MARCHF1: variants seen among roughly 807,000 people sequenced by gnomAD.
MARCHF1 encodes membrane associated ring-CH-type finger 1.
A neutral mutation model predicts 54.2 loss-of-function variants in MARCHF1; 40 were observed. The ratio of observed to expected loss-of-function variants is 0.74; its 90% CI spans 0.57 to 0.96. The LOEUF (loss-of-function observed/expected upper bound fraction) is 0.96. MARCHF1 is among the 40% of genes least tolerant of loss of function. The probability of loss-of-function intolerance (pLI) is 0.00; values close to 1 mark genes in which losing one functional copy is unlikely to be tolerated. For missense variants in MARCHF1, 586 were observed against 656.5 expected (o/e 0.89, Z 1.17); for synonymous variants, 236 against 236.3 (o/e 1.00, Z 0.01).
At chr4:163,889,918 T>C (rs1010990388) in intron 3 of MARCHF1, among the ~76,000 whole-genome samples, 1 of 68,236 alleles carries the variant, frequency 1.5e-5, no homozygotes, top group Non-Finnish European at 3.0e-5. Context: ...TTATTTATTT[T>C]CTTTTTTCTT....
Position 164,304,142 on chromosome 4 carries a change from G to A in MARCHF1, c.-323+79728C>T, listed in dbSNP as rs138592173. On this transcript the variant is annotated intron_variant, in intron 1 of 9. Coordinates refer to ENST00000514618, the MANE Select transcript of MARCHF1 (RefSeq NM_001394959.1). ...CAGAAGCTTGCAATTAAGATCATAA[G>A]CAGGAGATTGCCAAAGAGATGCCAG... Among the ~76,000 whole-genome samples, 989 of 152,288 alleles carry A rather than the reference G, an allele frequency of 6.5e-3. 10 individuals carry two copies. Among genetic ancestry groups the A allele is most frequent in the African/African-American group, 0.019 (799 of 41,570 alleles).
intron 8 of MARCHF1, among the ~76,000 whole-genome samples, chr4:163,570,749 A>T (rs1016573462): frequency 6.6e-6 from 1 of 152,058 alleles, no homozygotes; most frequent in African/African-American, 2.4e-5. Context: ...TAAATCTGCG[A>T]TTTTCACTTC....
In MARCHF1 at chr4:163,760,510, G is replaced by C. The variant is rs371583857; in HGVS notation, c.112-59647C>G. 9.2e-5 allele frequency among the ~76,000 whole-genome samples: 14 copies of C among 152,194 alleles called. 1 individual carries two copies. The highest frequency in any genetic ancestry group is 3.4e-4 in the African/African-American group (14 of 41,512). On this transcript the variant is annotated intron_variant, in intron 4 of 9. Coordinates refer to ENST00000514618, the MANE Select transcript of MARCHF1 (RefSeq NM_001394959.1). ...AGAGTGATGCCTTTGCTTTCTTCTT[G>C]AAGTAATTGAAAGAGTTTTCCCTTT... is the stretch of plus-strand genomic sequence containing the variant.
intron 1 of MARCHF1, among the ~76,000 whole-genome samples, chr4:164,205,049 T>C (rs1001540762): frequency 2.0e-5 from 3 of 152,222 alleles, no homozygotes; most frequent in Admixed American, 6.5e-5. Flanking sequence ...TTAATTCTTA[T>C]ATAGTGTTTT....
chr4:164,271,678 A>G (rs548180250), intron 1 of MARCHF1, among the ~76,000 whole-genome samples: 1 of 152,302 alleles, frequency 6.6e-6, no homozygotes, highest in South Asian at 2.1e-4. Context: ...CCTATCTCCA[A>G]TAGAAATCAG....
chr4:163,933,667 G>T lies in MARCHF1; in HGVS notation c.-39+54834C>A, dbSNP rs191754753. ...CATTTCTACATTCCCTCCCATACTC[G>T]TCAGGGTTTCCTTTCAATAAGCAAC... On this transcript the variant is annotated intron_variant, in intron 3 of 9. Coordinates refer to ENST00000514618, the MANE Select transcript of MARCHF1 (RefSeq NM_001394959.1). Among the ~76,000 whole-genome samples the T allele has an allele frequency of 4.7e-4, 72 of 152,272 alleles. 1 individual carries two copies. Among genetic ancestry groups the T allele is most frequent in the Admixed American group, 3.0e-3 (46 of 15,296 alleles).
At chr4:164,308,493 A>T (rs1554000292) in intron 1 of MARCHF1, among the ~76,000 whole-genome samples, 2 of 152,066 alleles carry the variant, frequency 1.3e-5, no homozygotes, top group African/African-American at 2.4e-5. Flanking sequence ...CAGTAAGATA[A>T]TTTTCTTAGA....
At chr4:163,551,442 C>G (rs886809056) in intron 8 of MARCHF1, among the ~76,000 whole-genome samples, 72 of 152,198 alleles carry the variant, frequency 4.7e-4, no homozygotes, top group African/African-American at 1.7e-3. Flanking sequence ...TTTTAAAAGA[C>G]CAGCAGAAAA....
chr4:163,970,463 G>A (rs758858844), intron 3 of MARCHF1, among the ~76,000 whole-genome samples: 26 of 152,162 alleles, frequency 1.7e-4, no homozygotes, highest in Non-Finnish European at 3.4e-4. Flanking sequence ...ATGGAAGAAC[G>A]GATACATGGA....
chr4:163,532,405 A>G (rs1265820552), intron 9 of MARCHF1, among the ~76,000 whole-genome samples: 1 of 151,934 alleles, frequency 6.6e-6, no homozygotes, highest in Non-Finnish European at 1.5e-5. Context: ...GTCTGTAAAC[A>G]GACCTTAAAT....
chr4:163,541,899 G>A (rs147203296), intron 9 of MARCHF1, among the ~76,000 whole-genome samples: 271 of 152,264 alleles, frequency 1.8e-3, no homozygotes, highest in Non-Finnish European at 3.3e-3. Flanking sequence ...TCTTCAATGT[G>A]CACATTGGAA....
intron 3 of MARCHF1, among the ~76,000 whole-genome samples, chr4:163,967,746 CAT>C (rs1037355659): frequency 7.9e-5 from 12 of 152,108 alleles, no homozygotes; most frequent in Non-Finnish European, 1.3e-4. Flanking sequence ...AAGTTTGGCT[CAT>C]GTGATTATGG....
intron 1 of MARCHF1, among the ~76,000 whole-genome samples, chr4:164,220,287 CATAT>C (rs150321953): frequency 6.9e-6 from 1 of 145,364 alleles, no homozygotes; most frequent in Non-Finnish European, 1.5e-5. Context: ...TAATGGAATT[CATAT>C]ATATATATGA....
chr4:164,242,389 G>T (rs1287239370), intron 1 of MARCHF1, among the ~76,000 whole-genome samples: 4 of 145,774 alleles, frequency 2.7e-5, no homozygotes, highest in South Asian at 2.4e-4. Context: ...ACACGGCAGG[G>T]TATTCCAACA....
chr4:164,189,753 G>A (rs560531099), intron 1 of MARCHF1: 344 of 1,267,842 alleles, frequency 2.7e-4, no homozygotes, highest in Admixed American at 3.7e-4. Flanking sequence ...TCAACCAACT[G>A]TCATAATCAA....
intron 1 of MARCHF1, among the ~76,000 whole-genome samples, chr4:164,248,166 T>G (rs1352631970): frequency 6.6e-6 from 1 of 152,080 alleles, no homozygotes; most frequent in African/African-American, 2.4e-5. Context: ...AACATACAAC[T>G]TTTTAATTAA....
At position 164,282,465 on chromosome 4, in the gene MARCHF1, T is replaced by C. The variant is rs771607952; in HGVS notation, c.-323+101405A>G. 3.8e-4 allele frequency among the ~76,000 whole-genome samples: 58 copies of C among 150,730 alleles called. 1 individual carries two copies. The highest frequency in any genetic ancestry group is 4.9e-4 in the Non-Finnish European group (33 of 67,926). ...TCACCAACAGTTGCACCATCTCCAA[T>C]ACCTCAGTATTGCCACCTCATCCAC... is the stretch of plus-strand genomic sequence containing the variant. On this transcript the variant is annotated intron_variant, in intron 1 of 9. Coordinates refer to ENST00000514618, the MANE Select transcript of MARCHF1 (RefSeq NM_001394959.1).
intron 3 of MARCHF1, among the ~76,000 whole-genome samples, 193 bp downstream of exon 3, chr4:163,988,308 C>T (rs1752908131): frequency 6.6e-6 from 1 of 152,206 alleles, no homozygotes; most frequent in African/African-American, 2.4e-5. Flanking sequence ...TGGCTCCTCT[C>T]TTCATTCACA....
Position 164,036,316 on chromosome 4 carries a change from T to A in MARCHF1, c.-247-47607A>T, listed in dbSNP as rs1240597896. On this transcript the variant is annotated intron_variant, in intron 2 of 9. Coordinates refer to ENST00000514618, the MANE Select transcript of MARCHF1 (RefSeq NM_001394959.1). ...CAGAAACCAATGGCTTATTGACATC[T>A]TTTTCTATACTACAATTGGAGATAG... Among the ~76,000 whole-genome samples the A allele has an allele frequency of 3.3e-5, 5 of 152,218 alleles. No homozygotes were observed. The East Asian group carries it at 7.7e-4, about 24-fold the overall frequency.
Sources: allele counts gnomAD v4.1 joint callset (sites outside exome capture counted in the v4.1 genomes callset), GRCh38; gene constraint gnomAD v4.1.1; transcripts MANE v1.5; gene names NCBI Gene and HGNC (gene_info 2026-07-23, HGNC 2026-07-21).